The following DPP6 variants were observed in gnomAD, a reference collection of about 807,000 sequenced individuals.
The protein encoded by DPP6 is A-type potassium channel modulatory protein DPP6.
In DPP6, 69 loss-of-function variants were observed where a neutral mutation model predicts 122.6. The observed-to-expected ratio is 0.56, with a 90% CI of 0.46 to 0.69. DPP6 has a LOEUF of 0.69. Ranked by LOEUF, DPP6 falls within the 30% of genes least tolerant of loss-of-function variation. DPP6 has a pLI of 0.00. For missense variants in DPP6, 928 were observed against 1,116.9 expected (o/e 0.83, Z 2.41); for synonymous variants, 418 against 433.1 (o/e 0.97, Z 0.43).
chr7:154,295,619 C>T (rs1462834362), intron 1 of DPP6, among the ~76,000 whole-genome samples: 1 of 151,408 alleles, frequency 6.6e-6, no homozygotes, highest in Non-Finnish European at 1.5e-5. Context: ...TACTTTCTTC[C>T]TCCTTCCTTC....
At chr7:153,931,606 C>CAT (rs1467402318) in intron 1 of DPP6, among the ~76,000 whole-genome samples, 1 of 152,188 alleles carries the variant, frequency 6.6e-6, no homozygotes, top group African/African-American at 2.4e-5. Flanking sequence ...TGTCAGATTC[C>CAT]GTGGAGGGCC....
At chr7:154,035,020 T>C (rs543451972) in intron 1 of DPP6, among the ~76,000 whole-genome samples, 1 of 151,664 alleles carries the variant, frequency 6.6e-6, no homozygotes, top group East Asian at 1.9e-4. Flanking sequence ...TATTCCTAGG[T>C]CATGGTATCC....
chr7:154,555,981 T>C (rs148343472), intron 4 of DPP6, among the ~76,000 whole-genome samples: 1 of 152,162 alleles, frequency 6.6e-6, no homozygotes, highest in South Asian at 2.1e-4. Flanking sequence ...ACTCTGAAAC[T>C]GCTTTAGTGT....
At chr7:153,931,634 C>T (rs971414163) in intron 1 of DPP6, among the ~76,000 whole-genome samples, 2 of 152,226 alleles carry the variant, frequency 1.3e-5, no homozygotes, top group Non-Finnish European at 2.9e-5. Context: ...CTGCCAGAAA[C>T]AGCCCTTTCT....
intron 21 of DPP6, chr7:154,883,771 A>C (rs1805729291): frequency 6.7e-6 from 1 of 150,186 alleles, no homozygotes. Context: ...ACTCACACAC[A>C]CATGCTCACA....
chr7:154,640,216 G>A (rs1835983842), intron 6 of DPP6, among the ~76,000 whole-genome samples: 1 of 151,800 alleles, frequency 6.6e-6, no homozygotes, highest in Non-Finnish European at 1.5e-5. Context: ...TTGCACCACT[G>A]CACTCCAGCC....
intron 1 of DPP6, among the ~76,000 whole-genome samples, chr7:154,073,896 G>T (rs1803312283): frequency 6.6e-6 from 1 of 152,182 alleles, no homozygotes; most frequent in African/African-American, 2.4e-5. Context: ...TGAGGCAGGA[G>T]AATTGCTTGA....
At chr7:154,484,208 G>A (rs1215233845) in intron 3 of DPP6, among the ~76,000 whole-genome samples, 1 of 152,154 alleles carries the variant, frequency 6.6e-6, no homozygotes, top group Non-Finnish European at 1.5e-5. Context: ...GGTGAAAGAC[G>A]CTTACATGCA....
At chr7:154,216,907 T>A (rs912176695) in intron 1 of DPP6, among the ~76,000 whole-genome samples, 2 of 128,206 alleles carry the variant, frequency 1.6e-5, no homozygotes, top group East Asian at 4.6e-4. Context: ...TGTAGAGATT[T>A]AACTGTGGAA....
chr7:154,474,582 A>G (rs1166556344), intron 2 of DPP6, among the ~76,000 whole-genome samples: 1 of 152,216 alleles, frequency 6.6e-6, no homozygotes, highest in African/African-American at 2.4e-5. Flanking sequence ...ATTACATCAT[A>G]TGACTGAGGT....
chr7:153,759,997 A>G, the DPP6 span, among the ~76,000 whole-genome samples: 37 of 122,718 alleles, frequency 3.0e-4, no homozygotes, highest in African/African-American at 1.6e-3. Context: ...CTCTCTCTCT[A>G]TCTGTATGTG....
the DPP6 span, among the ~76,000 whole-genome samples, chr7:153,797,430 C>T: frequency 6.6e-6 from 1 of 152,060 alleles, no homozygotes; most frequent in Non-Finnish European, 1.5e-5. Flanking sequence ...ATTAATTAAG[C>T]CTTAAGCTCA....
At chr7:154,641,907 A>G (rs1836123479) in intron 6 of DPP6, among the ~76,000 whole-genome samples, 1 of 152,152 alleles carries the variant, frequency 6.6e-6, no homozygotes, top group East Asian at 1.9e-4. Flanking sequence ...TTGTTGCTCT[A>G]ACTTTGCTTA....
At chr7:154,666,253 G>A (rs1838159399) in intron 6 of DPP6, among the ~76,000 whole-genome samples, 1 of 140,904 alleles carries the variant, frequency 7.1e-6, no homozygotes, top group Non-Finnish European at 1.5e-5. Flanking sequence ...ATACTCTTGG[G>A]CTTTGTTAAC....
the DPP6 span, among the ~76,000 whole-genome samples, chr7:153,760,876 T>G: frequency 6.6e-6 from 1 of 152,132 alleles, no homozygotes; most frequent in Non-Finnish European, 1.5e-5. Context: ...TCAGCTAATT[T>G]TCAGGGGGCC....
chr7:154,889,200 G>T lies in DPP6; in HGVS notation c.2305-72G>T, dbSNP rs12534701. The T allele has an allele frequency of 0.39, 605,442 of 1,550,784 alleles. 120,476 individuals are homozygous for T. Among genetic ancestry groups the T allele is most frequent in the South Asian group, 0.44 (35,681 of 80,954 alleles). On this transcript the variant is annotated intron_variant, in intron 23 of 25. Transcript: ENST00000377770. ...ACACTTCACCTACCTTCTCAGTCAG[G>T]TTTCCAAGCAGAACACCTGGCTCCC...
chr7:154,052,634 C>G lies in DPP6; in HGVS notation c.-187C>G. Reference sequence around the variant, plus strand: ...AGGCTGAGCCAGGCAGAGTCGCCAGCGGAGACTCGCGAGTGGCGCGCGGGA... The same window carrying G: ...AGGCTGAGCCAGGCAGAGTCGCCAGGGGAGACTCGCGAGTGGCGCGCGGGA... On this transcript the variant is annotated 5_prime_UTR_variant, in exon 1 of 26. Coordinates refer to ENST00000377770, the MANE Select transcript of DPP6 (RefSeq NM_130797.4). This position sits in a 1 kb window ranked among gnomAD's most constrained non-coding sequence, Gnocchi z 4.8. The G allele has an allele frequency of 7.1e-6, 9 of 1,268,546 alleles. No homozygotes were observed. The highest frequency in any genetic ancestry group is 9.0e-6 in the Non-Finnish European group (9 of 997,838). 78.6% of individuals were successfully genotyped at this position (1,268,546 alleles called of 1,614,324 possible).
chr7:153,755,585 C>A, the DPP6 span, among the ~76,000 whole-genome samples: 1 of 151,998 alleles, frequency 6.6e-6, no homozygotes, highest in Non-Finnish European at 1.5e-5. Flanking sequence ...CTTTTCTATT[C>A]TTTCCTGCCC....
At chr7:154,860,302 A>G (rs1803268935) in intron 17 of DPP6, among the ~76,000 whole-genome samples, 1 of 152,190 alleles carries the variant, frequency 6.6e-6, no homozygotes, top group Admixed American at 6.5e-5. Flanking sequence ...GGAGCATGGC[A>G]TTCCAGAGGG....
Sources: gnomAD v4.1 joint callset for allele counts (sites outside exome capture counted in the v4.1 genomes callset) on GRCh38, gnomAD v4.1.1 for gene constraint, Gnocchi (gnomAD v3.1) non-coding constraint, MANE v1.5 for transcripts, NCBI Gene and HGNC (gene_info 2026-07-23, HGNC 2026-07-21) for gene names.